The following DDX42 variants were observed in gnomAD, a reference collection of about 807,000 sequenced individuals.
DDX42 encodes the protein ATP-dependent RNA helicase DDX42.
In DDX42, 22 loss-of-function variants were observed where a neutral mutation model predicts 101.5. The observed-to-expected ratio is 0.22, with a 90% confidence interval of 0.15 to 0.31. The LOEUF (loss-of-function observed/expected upper bound fraction) is 0.31. Ranked by LOEUF, DDX42 falls within the 10% of genes least tolerant of loss-of-function variation. DDX42 has a pLI of 1.00. For synonymous variants in DDX42, 402 were observed against 401.2 expected (o/e 1.00, Z -0.02); for missense variants, 849 against 1,199.9 (o/e 0.71, Z 4.32).
At chr17:63,785,602 TAAAA>T (rs35420075) in intron 1 of DDX42, among the ~76,000 whole-genome samples, 2 of 140,160 alleles carry the variant, frequency 1.4e-5, no homozygotes, top group Non-Finnish European at 1.5e-5. Flanking sequence ...CCCTGTTCCT[TAAAA>T]AAAAAAAAAA....
rs533068263 is a variant in DDX42, at chr17:63,794,812, T to G, written c.372+2250T>G. On this transcript the variant is annotated intron_variant, in intron 3 of 17. Coordinates refer to ENST00000389924, the MANE Select transcript of DDX42 (RefSeq NM_203499.3). ...TTAGCCAGGCATGGTGGTGCATGCC[T>G]GTAATTCCTGCTACTCGGGAGGCTG... is the stretch of plus-strand genomic sequence containing the variant. Among the ~76,000 whole-genome samples, 33 of 151,874 alleles carry G rather than the reference T, an allele frequency of 2.2e-4. No homozygotes were observed. The South Asian group carries it at 5.0e-3, about 23-fold the overall frequency.
chr17:63,787,907 T>TTTTG (rs2039567393), intron 2 of DDX42, among the ~76,000 whole-genome samples: 1 of 120,756 alleles, frequency 8.3e-6, no homozygotes, highest in African/African-American at 4.2e-5. Flanking sequence ...TTCATGTGGT[T>TTTTG]TTTTTTTTTT....
In DDX42 at chr17:63,817,786, G is replaced by C. The variant is rs1040191136; in HGVS notation, c.2205G>C (p.Gly735=). The C allele has an allele frequency of 6.2e-6, 10 of 1,614,202 alleles. No homozygotes were observed. Among genetic ancestry groups the C allele is most frequent in the Non-Finnish European group, 8.5e-6 (10 of 1,180,044 alleles). The change falls in exon 18 of 18, where the codon GGG becomes GGC. Residue 735 remains glycine, a synonymous_variant. Coordinates refer to ENST00000389924, the MANE Select transcript of DDX42 (RefSeq NM_203499.3). ...AAGASGWTSA[G]SLNSVPTNSA... ...GGGCAAGTGGGTGGACTAGTGCAGG[G>C]AGCTTGAATTCTGTTCCAACTAACT...
At chr17:63,805,999 G>A (rs2039835304) in intron 7 of DDX42, 1 of 152,348 alleles carries the variant, frequency 6.6e-6, no homozygotes, top group African/African-American at 2.4e-5. Context: ...CCTAGGTGCA[G>A]TTTGAACAGG....
chr17:63,783,852 C>T (rs191801608), intron 1 of DDX42, among the ~76,000 whole-genome samples: 148 of 152,082 alleles, frequency 9.7e-4, no homozygotes, highest in Non-Finnish European at 1.8e-3. Flanking sequence ...TGATTGAGGT[C>T]GGGAGTACAA....
intron 17 of DDX42, chr17:63,817,212 A>G: frequency 2.1e-6 from 1 of 478,816 alleles, no homozygotes; most frequent in Admixed American, 3.8e-5. Flanking sequence ...GTCCTGCAGC[A>G]GGGTGTGTGT....
Position 63,817,930 on chromosome 17 carries a change from A to C in DDX42, c.2349A>C (p.Gly783=). 1 of 1,614,182 alleles carries C rather than the reference A, an allele frequency of 6.2e-7. No homozygotes were observed. Among genetic ancestry groups the C allele is most frequent in the Non-Finnish European group, 8.5e-7 (1 of 1,180,028 alleles). ...CCCCTGTGACCTACCCGTCTGCCGG[A>C]GCCCAAGGAGTCAACAACACAGCTT... is the stretch of plus-strand genomic sequence containing the variant. The part of the protein sequence containing the change: ...SGAPVTYPSA[G]AQGVNNTASG... Residue 783 remains glycine (G), a synonymous_variant, in exon 18 of 18, where the codon GGA becomes GGC. Transcript: ENST00000389924.
Position 63,817,907 on chromosome 17 carries a change from C to T in DDX42, c.2326C>T (p.Pro776Ser). 1 of 1,614,166 alleles carries T rather than the reference C, an allele frequency of 6.2e-7. No individual in the cohort carries two copies. Among genetic ancestry groups the T allele is most frequent in the Non-Finnish European group, 8.5e-7 (1 of 1,180,032 alleles). Residue 776 changes from proline (P) to serine (S), a missense_variant, in exon 18 of 18, where the codon CCT becomes TCT. By Grantham distance (74) the Pro-to-Ser change is moderately conservative. Coordinates refer to ENST00000389924, the MANE Select transcript of DDX42 (RefSeq NM_203499.3). ...CAATACTGGCAACATCAGTGGTGCC[C>T]CTGTGACCTACCCGTCTGCCGGAGC... ...FGNTGNISGA[P>S]VTYPSAGAQG...
At chr17:63,802,197 A>T (rs530484851) in intron 6 of DDX42, among the ~76,000 whole-genome samples, 1 of 152,230 alleles carries the variant, frequency 6.6e-6, no homozygotes, top group African/African-American at 2.4e-5. Flanking sequence ...AGAAAAAAAA[A>T]GGCCAGTTTC....
At chr17:63,808,427 G>A (rs189969270) in intron 9 of DDX42, among the ~76,000 whole-genome samples, 2 of 152,232 alleles carry the variant, frequency 1.3e-5, no homozygotes, top group East Asian at 3.9e-4. Flanking sequence ...GCTTGCCTTG[G>A]CCTCCCACAG....
intron 2 of DDX42, among the ~76,000 whole-genome samples, chr17:63,790,749 G>A (rs751526247): frequency 6.6e-6 from 1 of 152,150 alleles, no homozygotes; most frequent in Non-Finnish European, 1.5e-5. Flanking sequence ...GACAGAGCAA[G>A]ACTCCATCTC....
At chr17:63,801,546 T>C (rs1172187759) in intron 6 of DDX42, among the ~76,000 whole-genome samples, 2 of 151,522 alleles carry the variant, frequency 1.3e-5, no homozygotes, top group African/African-American at 4.8e-5. Context: ...TTATTTTTTT[T>C]CCAGACGAAG....
chr17:63,805,185 A>G lies in DDX42; in HGVS notation c.726+10A>G. On this transcript the variant is annotated intron_variant, in intron 7 of 17. Coordinates refer to ENST00000389924, the MANE Select transcript of DDX42 (RefSeq NM_203499.3). ...TAAGCTCAATCTTCGGGTAAGCATC[A>G]TTAAGCTCAATATTCTTAATATTAA... 3.7e-6 allele frequency: 6 copies of G among 1,610,168 alleles called. No homozygotes were observed. Among genetic ancestry groups the G allele is most frequent in the Non-Finnish European group, 3.4e-6 (4 of 1,178,970 alleles).
At chr17:63,803,264 C>A (rs573015648) in intron 6 of DDX42, among the ~76,000 whole-genome samples, 5 of 152,098 alleles carry the variant, frequency 3.3e-5, no homozygotes, top group Non-Finnish European at 7.4e-5. Context: ...TAGGAAATGA[C>A]CACTTGTCAA....
chr17:63,774,955 T>C (rs1482788780), intron 1 of DDX42, among the ~76,000 whole-genome samples: 1 of 152,204 alleles, frequency 6.6e-6, no homozygotes, highest in Non-Finnish European at 1.5e-5. Context: ...CAGGAGAAGC[T>C]GTCGAGAGTT....
At chr17:63,804,985 T>G (rs1487885888) in intron 6 of DDX42, 86 bp from the exon 7 acceptor site, 2 of 1,493,082 alleles carry the variant, frequency 1.3e-6, no homozygotes, top group Admixed American at 2.6e-5. Flanking sequence ...TTGTGTAAAA[T>G]TTGGAAAAGA....
In DDX42 at chr17:63,818,261, A is replaced by G. The variant is rs1385782410; in HGVS notation, c.2680A>G (p.Ser894Gly). 6.2e-7 allele frequency: 1 copy of G among 1,614,036 alleles called. No homozygotes were observed. Among genetic ancestry groups the G allele is most frequent in the Non-Finnish European group, 8.5e-7 (1 of 1,180,060 alleles). Residue 894 changes from serine to glycine, a missense_variant, in exon 18 of 18, where the codon AGC becomes GGC. Physicochemically the swap from Ser to Gly is moderately conservative, Grantham distance 56 (BLOSUM62 0). Transcript: ENST00000389924. ...CAGGAAAGAAGCTTTTAATCGTGAG[A>G]GCAAGATGGAGCCCAAGATGGAACC... ...ESRKEAFNRE[S>G]KMEPKMEPKV...
intron 10 of DDX42, 121 bp downstream of exon 10, chr17:63,809,069 C>T (rs530195433): frequency 5.0e-4 from 689 of 1,371,814 alleles, no homozygotes; most frequent in Non-Finnish European, 6.3e-4. Flanking sequence ...TACTGATGAA[C>T]GGCAGGCTGT....
At chr17:63,806,890 A>G (rs764966064) in intron 8 of DDX42, among the ~76,000 whole-genome samples, 7 of 152,194 alleles carry the variant, frequency 4.6e-5, no homozygotes, top group Non-Finnish European at 1.0e-4. Flanking sequence ...AACCTAACCA[A>G]AAAGGTTCGT....
Sources: gnomAD v4.1 joint callset for allele counts (sites outside exome capture counted in the v4.1 genomes callset) on GRCh38, gnomAD v4.1.1 for gene constraint, MANE v1.5 for transcripts, NCBI Gene and HGNC (gene_info 2026-07-23, HGNC 2026-07-21) for gene names.